The following RBFOX1 variants were observed in gnomAD, a reference collection of about 807,000 sequenced individuals.
The protein encoded by RBFOX1 is RNA binding protein fox-1 homolog 1.
A neutral mutation model predicts 57.7 loss-of-function variants in RBFOX1; 8 were observed. The observed-to-expected ratio is 0.14, with a 90% confidence interval of 0.08 to 0.25. The LOEUF is 0.25. Among genes scored for constraint, RBFOX1 ranks in the 10% least tolerant of loss-of-function variants. RBFOX1 has a pLI of 1.00. For synonymous variants in RBFOX1, 326 were observed against 222.4 expected, an observed-to-expected ratio of 1.47 and a Z score of -4.15; for missense variants, 611 against 548.5, an observed-to-expected ratio of 1.11 and a Z score of -1.14.
chr16:7,509,162 A>T (rs558473253), intron 4 of RBFOX1, among the ~76,000 whole-genome samples: 16 of 152,324 alleles, frequency 1.1e-4, no homozygotes, highest in Non-Finnish European at 1.6e-4. Context: ...ATGAAAAGAC[A>T]AAAGTCCAAG....
intron 4 of RBFOX1, among the ~76,000 whole-genome samples, chr16:7,074,956 T>C (rs547332164): frequency 6.6e-6 from 1 of 151,904 alleles, no homozygotes; most frequent in African/African-American, 2.4e-5. Context: ...TGGGAAGAGG[T>C]AGGGGAGCTC....
chr16:7,335,740 G>C (rs1244368554), intron 4 of RBFOX1, among the ~76,000 whole-genome samples: 1 of 152,126 alleles, frequency 6.6e-6, no homozygotes, highest in African/African-American at 2.4e-5. Flanking sequence ...TTTATTCCAA[G>C]CAATAATTGA....
chr16:7,514,051 C>T (rs1219463032), intron 4 of RBFOX1, among the ~76,000 whole-genome samples: 1 of 152,118 alleles, frequency 6.6e-6, no homozygotes, highest in South Asian at 2.1e-4. Flanking sequence ...ATAATGGCTT[C>T]TTAACTGGTG....
chr16:6,180,765 C>T (rs548534419), intron 1 of RBFOX1, among the ~76,000 whole-genome samples: 3 of 152,108 alleles, frequency 2.0e-5, no homozygotes, highest in South Asian at 4.2e-4. Context: ...GGGGTTTCAC[C>T]GGGTTGGCCA....
Position 7,637,920 on chromosome 16 carries a change from A to C in RBFOX1, c.757+7237A>C, listed in dbSNP as rs2062039873. Reference sequence around the variant, plus strand: ...CAGAAAAAGATCCATGATTAACAGAATATCAAGACAGAATAAGTTTTATTC... The same window carrying C: ...CAGAAAAAGATCCATGATTAACAGACTATCAAGACAGAATAAGTTTTATTC... On this transcript the variant is annotated intron_variant, in intron 11 of 15. Coordinates refer to ENST00000550418, the MANE Select transcript of RBFOX1 (RefSeq NM_018723.4). Among the ~76,000 whole-genome samples the C allele has an allele frequency of 2.6e-5, 4 of 152,216 alleles. No individual in the cohort carries two copies. In the South Asian group the frequency reaches 8.3e-4, roughly 32 times the overall value.
chr16:6,839,997 A>C (rs564262152), intron 3 of RBFOX1, among the ~76,000 whole-genome samples: 1 of 152,198 alleles, frequency 6.6e-6, no homozygotes, highest in Non-Finnish European at 1.5e-5. Context: ...TGGTATAAAC[A>C]AAATAATATC....
At chr16:7,591,544 T>C (rs192638501) in intron 7 of RBFOX1, among the ~76,000 whole-genome samples, 292 of 152,274 alleles carry the variant, frequency 1.9e-3, no homozygotes, top group African/African-American at 6.9e-3. Context: ...GCAAGTCACG[T>C]TGGTCTGGCA....
At chr16:5,919,575 C>T (rs1456219629) in intron 4 of RBFOX1, among the ~76,000 whole-genome samples, 1 of 152,116 alleles carries the variant, frequency 6.6e-6, no homozygotes, top group Non-Finnish European at 1.5e-5. Context: ...AACTCCCGAC[C>T]CGAGGTGATC....
At chr16:5,396,780 C>A (rs1426596155) in intron 1 of RBFOX1, among the ~76,000 whole-genome samples, 1 of 152,210 alleles carries the variant, frequency 6.6e-6, no homozygotes. Flanking sequence ...TTAGATGGAG[C>A]ATTTTATTAT....
At chr16:6,754,011 A>G (rs1291528354) in intron 3 of RBFOX1, among the ~76,000 whole-genome samples, 1 of 152,134 alleles carries the variant, frequency 6.6e-6, no homozygotes, top group Non-Finnish European at 1.5e-5. Flanking sequence ...GTCTTCTGGT[A>G]CCCAACTCTT....
At chr16:7,012,781 AC>A (rs147155291) in intron 3 of RBFOX1, among the ~76,000 whole-genome samples, 1 of 152,286 alleles carries the variant, frequency 6.6e-6, no homozygotes, top group East Asian at 1.9e-4. Context: ...TCAAGTTTTG[AC>A]CCATTTTAAC....
intron 2 of RBFOX1, chr16:6,577,322 C>T (rs1360900744): frequency 6.6e-6 from 1 of 152,156 alleles, no homozygotes; most frequent in Admixed American, 6.5e-5. Flanking sequence ...AGTGGAATTT[C>T]CACTGAAAGC....
intron 1 of RBFOX1, among the ~76,000 whole-genome samples, chr16:5,266,206 A>G (rs4378615): frequency 6.6e-6 from 1 of 152,150 alleles, no homozygotes; most frequent in Non-Finnish European, 1.5e-5. Context: ...CACTGCTGAC[A>G]TTTTGGCTCA....
At chr16:7,128,086 A>G (rs2069095468) in intron 4 of RBFOX1, among the ~76,000 whole-genome samples, 1 of 152,200 alleles carries the variant, frequency 6.6e-6, no homozygotes. Context: ...GGCTCAAGTG[A>G]TGCAGCAGCT....
At chr16:7,183,820 A>G (rs1437953665) in intron 4 of RBFOX1, among the ~76,000 whole-genome samples, 1 of 152,160 alleles carries the variant, frequency 6.6e-6, no homozygotes, top group African/African-American at 2.4e-5. Flanking sequence ...AATGCCTCCT[A>G]TTGTCAGGTG....
intron 2 of RBFOX1, among the ~76,000 whole-genome samples, chr16:6,600,597 C>G (rs556353659): frequency 6.6e-6 from 1 of 152,246 alleles, no homozygotes; most frequent in Admixed American, 6.5e-5. Context: ...TACTTACAAA[C>G]CTGCCATCAT....
chr16:7,313,180 A>G (rs961311341), intron 4 of RBFOX1, among the ~76,000 whole-genome samples: 13 of 152,216 alleles, frequency 8.5e-5, no homozygotes, highest in African/African-American at 2.7e-4. Flanking sequence ...CTTTGGATCT[A>G]TCTATTGTCT....
At chr16:5,800,606 G>T (rs1306878832) in intron 3 of RBFOX1, among the ~76,000 whole-genome samples, 1 of 152,118 alleles carries the variant, frequency 6.6e-6, no homozygotes, top group Non-Finnish European at 1.5e-5. Context: ...AAATGGATGT[G>T]ACCCAGTGAC....
chr16:6,243,115 G>A (rs1226343452), intron 1 of RBFOX1, among the ~76,000 whole-genome samples: 1 of 151,390 alleles, frequency 6.6e-6, no homozygotes, highest in Admixed American at 6.6e-5. Flanking sequence ...AGTAGCTGCA[G>A]TTGGATAAAT....
Sources: allele counts gnomAD v4.1 joint callset (sites outside exome capture counted in the v4.1 genomes callset), GRCh38; gene constraint gnomAD v4.1.1; transcripts MANE v1.5; gene names NCBI Gene and HGNC (gene_info 2026-07-23, HGNC 2026-07-21).